CNKSR2: variants seen among roughly 807,000 people sequenced by gnomAD.
CNKSR2 encodes CNK homolog protein 2.
In CNKSR2, 14 loss-of-function variants were observed where a neutral mutation model predicts 84.4. The ratio of observed to expected loss-of-function variants is 0.17; its 90% CI spans 0.11 to 0.26. The LOEUF is 0.26. Ranked by LOEUF, CNKSR2 falls within the 10% of genes least tolerant of loss-of-function variation. CNKSR2 has a pLI of 1.00. For missense variants in CNKSR2, 485 were observed against 771.2 expected, an observed-to-expected ratio of 0.63 and a Z score of 4.40; for synonymous variants, 275 against 277.9, an observed-to-expected ratio of 0.99 and a Z score of 0.10.
intron 4 of CNKSR2, among the ~76,000 whole-genome samples, chrX:21,452,963 A>G (rs1234017700): frequency 9.1e-6 from 1 of 109,632 alleles, no homozygotes; most frequent in African/African-American, 3.3e-5. Flanking sequence ...TTTGTGCAAT[A>G]TATGGTTTCT....
intron 4 of CNKSR2, among the ~76,000 whole-genome samples, chrX:21,460,760 G>T (rs775713003): frequency 6.3e-5 from 7 of 111,073 alleles, no homozygotes; most frequent in African/African-American, 1.6e-4. Context: ...CAATTATTTT[G>T]ATTTTTAGAT....
At chrX:21,505,913 T>C (rs1458995478) in intron 8 of CNKSR2, 1 of 111,626 alleles carries the variant, frequency 9.0e-6, no homozygotes, top group Non-Finnish European at 1.9e-5. Context: ...TTTGGTTTTT[T>C]TCTAATTCCA....
At chrX:21,520,992 CATA>C (rs1345475171) in intron 9 of CNKSR2, among the ~76,000 whole-genome samples, 1 of 109,807 alleles carries the variant, frequency 9.1e-6, no homozygotes, top group Admixed American at 9.7e-5. Context: ...AGAAAAGAGT[CATA>C]GTAGTTGATT....
chrX:21,375,505 C>T (rs1335531878), intron 1 of CNKSR2, among the ~76,000 whole-genome samples: 1 of 112,240 alleles, frequency 8.9e-6, no homozygotes, highest in Non-Finnish European at 1.9e-5. Context: ...CCCCCACACC[C>T]AGATTTGGCT....
At chrX:21,645,863 C>A (rs1017814014) in intron 20 of CNKSR2, 6 of 111,744 alleles carry the variant, frequency 5.4e-5, no homozygotes, top group African/African-American at 1.9e-4. Context: ...TGAGAAAAAT[C>A]AAGGAAACCA....
intron 1 of CNKSR2, among the ~76,000 whole-genome samples, chrX:21,377,532 C>T (rs1381183165): frequency 1.8e-5 from 2 of 111,864 alleles, no homozygotes; most frequent in African/African-American, 6.5e-5. Context: ...TGAACAACTG[C>T]AATGTGGGAG....
At chrX:21,402,986 A>G (rs1293385010) in intron 1 of CNKSR2, among the ~76,000 whole-genome samples, 1 of 111,231 alleles carries the variant, frequency 9.0e-6, no homozygotes, top group Non-Finnish European at 1.9e-5. Context: ...TGGGGAAAAG[A>G]TGTTTGTCCA....
At chrX:21,593,332 G>A (rs1304756452) in intron 15 of CNKSR2, 1 of 111,939 alleles carries the variant, frequency 8.9e-6, no homozygotes, top group Non-Finnish European at 1.9e-5. Flanking sequence ...CACATATTCA[G>A]TCACTATCAG....
chrX:21,406,187 C>T (rs2090260780), intron 1 of CNKSR2, among the ~76,000 whole-genome samples: 1 of 111,320 alleles, frequency 9.0e-6, no homozygotes, highest in African/African-American at 3.3e-5. Context: ...CTGTGTTGTG[C>T]ACTGAGCATG....
At chrX:21,603,046 T>G (rs1364391398) in intron 18 of CNKSR2, among the ~76,000 whole-genome samples, 1 of 112,222 alleles carries the variant, frequency 8.9e-6, no homozygotes, top group African/African-American at 3.2e-5. Context: ...CCAAATTTTA[T>G]TATGGATGAA....
At chrX:21,571,914 C>T (rs996056660) in intron 13 of CNKSR2, among the ~76,000 whole-genome samples, 4 of 111,877 alleles carry the variant, frequency 3.6e-5, no homozygotes, top group Admixed American at 9.5e-5. Context: ...ACCTCTAAGC[C>T]GTCACTTGTT....
chrX:21,560,874 C>T (rs1304325599), intron 11 of CNKSR2, among the ~76,000 whole-genome samples: 1 of 111,328 alleles, frequency 9.0e-6, no homozygotes, highest in African/African-American at 3.3e-5. Flanking sequence ...CTATACTGGA[C>T]AGGCTCACTG....
chrX:21,386,961 G>A, intron 1 of CNKSR2, among the ~76,000 whole-genome samples: 1 of 111,969 alleles, frequency 8.9e-6, no homozygotes, highest in Non-Finnish European at 1.9e-5. Flanking sequence ...GTTTGGGGAT[G>A]TTTTTGAGAA....
intron 13 of CNKSR2, among the ~76,000 whole-genome samples, chrX:21,579,869 T>C (rs1375369137): frequency 8.9e-6 from 1 of 111,733 alleles, no homozygotes; most frequent in African/African-American, 3.2e-5. Flanking sequence ...GGTAACCAGT[T>C]CTGAAGAAGT....
chrX:21,462,114 G>A (rs1276391148), intron 4 of CNKSR2, among the ~76,000 whole-genome samples: 1 of 111,491 alleles, frequency 9.0e-6, no homozygotes, highest in Non-Finnish European at 1.9e-5. Context: ...CATTGAATCT[G>A]TAGATTGCTT....
intron 9 of CNKSR2, among the ~76,000 whole-genome samples, chrX:21,518,422 G>A (rs1352077485): frequency 1.8e-5 from 2 of 111,297 alleles, no homozygotes; most frequent in Non-Finnish European, 3.8e-5. Context: ...CTAGTTTCTT[G>A]TTGATCCATG....
At chrX:21,416,341 G>T (rs2090422264) in intron 1 of CNKSR2, among the ~76,000 whole-genome samples, 2 of 111,586 alleles carry the variant, frequency 1.8e-5, no homozygotes, top group Non-Finnish European at 3.8e-5. Context: ...GTATTCAGTT[G>T]CTAGTATTTT....
chrX:21,468,374 G>A (rs965373969), intron 4 of CNKSR2, among the ~76,000 whole-genome samples: 1 of 111,152 alleles, frequency 9.0e-6, no homozygotes, highest in Non-Finnish European at 1.9e-5. Flanking sequence ...AGTATTTGTT[G>A]TGTTTCCATC....
At chrX:21,406,054 A>G (rs1465339128) in intron 1 of CNKSR2, among the ~76,000 whole-genome samples, 1 of 110,843 alleles carries the variant, frequency 9.0e-6, no homozygotes, top group Non-Finnish European at 1.9e-5. Flanking sequence ...GTACTGGTTC[A>G]TGGCCTGTTA....
Sources: allele counts gnomAD v4.1 joint callset (sites outside exome capture counted in the v4.1 genomes callset), GRCh38; gene constraint gnomAD v4.1.1; transcripts MANE v1.5; gene names NCBI Gene and HGNC (gene_info 2026-07-23, HGNC 2026-07-21).